The following HSPA12A variants were observed in gnomAD, a reference collection of about 807,000 sequenced individuals.
HSPA12A encodes the protein heat shock 70 kDa protein 12A.
HSPA12A carries 28 observed loss-of-function variants against 69.2 expected under a neutral mutation model. The observed-to-expected ratio is 0.40, with a 90% CI of 0.30 to 0.55. The LOEUF (loss-of-function observed/expected upper bound fraction) is 0.55, where lower values mean the gene tolerates loss of function less well. Ranked by LOEUF, HSPA12A falls within the 20% of genes least tolerant of loss-of-function variation. HSPA12A has a pLI of 0.38. For synonymous variants in HSPA12A, 345 were observed against 370.5 expected, an observed-to-expected ratio of 0.93 and a Z score of 0.79; for missense variants, 686 against 900.7, an observed-to-expected ratio of 0.76 and a Z score of 3.05.
intron 2 of HSPA12A, among the ~76,000 whole-genome samples, chr10:116,774,524 C>G (rs1244156959): frequency 1.3e-5 from 2 of 152,176 alleles, no homozygotes; most frequent in East Asian, 3.9e-4. Context: ...ACATCTCACA[C>G]TCTTGCCAAA....
chr10:116,797,740 C>T (rs1366928181), intron 2 of HSPA12A, among the ~76,000 whole-genome samples: 1 of 152,200 alleles, frequency 6.6e-6, no homozygotes, highest in East Asian at 1.9e-4. Context: ...CTGCTGAGAG[C>T]TGTGTACGTG....
chr10:116,799,019 C>T (rs558484769), intron 2 of HSPA12A, among the ~76,000 whole-genome samples: 42 of 152,156 alleles, frequency 2.8e-4, no homozygotes, highest in African/African-American at 8.7e-4. Context: ...ATGCCCAGGG[C>T]TCTGCTGACT....
chr10:116,681,659 C>G (rs1487013018), intron 8 of HSPA12A, 132 bp downstream of exon 8: 6 of 701,334 alleles, frequency 8.6e-6, no homozygotes, highest in East Asian at 5.2e-5. Flanking sequence ...AAGAGCTCTC[C>G]CTGCATGAGT....
At chr10:116,676,904 G>A (rs1324705784) in intron 10 of HSPA12A, among the ~76,000 whole-genome samples, 4 of 152,172 alleles carry the variant, frequency 2.6e-5, no homozygotes, top group Admixed American at 2.6e-4. Context: ...ACATGTGTGC[G>A]CTCAGGTGCA....
chr10:116,705,362 C>G, intron 2 of HSPA12A, 84 bp from the exon 3 acceptor site: 1 of 1,487,056 alleles, frequency 6.7e-7, no homozygotes, highest in East Asian at 2.3e-5. Context: ...CTCACCTTGC[C>G]TAGCTGTGAA....
chr10:116,755,587 G>C (rs1843818797), intron 2 of HSPA12A, among the ~76,000 whole-genome samples: 1 of 148,446 alleles, frequency 6.7e-6, no homozygotes, highest in Admixed American at 6.7e-5. Context: ...ACTCCAGCCT[G>C]GGTGAAAGAG....
intron 2 of HSPA12A, among the ~76,000 whole-genome samples, chr10:116,818,886 T>C (rs1845356720): frequency 6.6e-6 from 1 of 152,140 alleles, no homozygotes; most frequent in Admixed American, 6.5e-5. Context: ...GCAGTGTGTC[T>C]CCAGGAGCAA....
Position 116,698,638 on chromosome 10 carries a change from C to G in HSPA12A, c.543G>C (p.Leu181=). Reference sequence around the variant, plus strand: ...TGGCCTCAACTATCAGTCCTACCTTCAGCGCCTGCTCCTTAAAGTACTGCA... The same window carrying G: ...TGGCCTCAACTATCAGTCCTACCTTGAGCGCCTGCTCCTTAAAGTACTGCA... ...YALQYFKEQA[L]KELSDQAGSE... The change falls in exon 5 of 12, where the codon CTG becomes CTC. Residue 181 remains leucine (L), a synonymous_variant. Transcript: ENST00000369209. The G allele has an allele frequency of 6.2e-7, 1 of 1,611,796 alleles. No homozygotes were observed. The highest frequency in any genetic ancestry group is 8.5e-7 in the Non-Finnish European group (1 of 1,178,160).
chr10:116,745,691 C>A (rs1851632550), upstream of HSPA12A, among the ~76,000 whole-genome samples: 1 of 152,126 alleles, frequency 6.6e-6, no homozygotes, highest in Admixed American at 6.5e-5. Context: ...CTAGTTTTGC[C>A]AGGTAACCAA....
At chr10:116,698,105 C>T (rs1849968751) in intron 5 of HSPA12A, 1 of 151,336 alleles carries the variant, frequency 6.6e-6, no homozygotes, top group Non-Finnish European at 1.5e-5. Flanking sequence ...TTTTGTTTCT[C>T]CATTCATCAG....
rs1473371370 is a variant in HSPA12A, at chr10:116,672,560, C to T, written c.*2221G>A. The T allele has an allele frequency of 6.6e-6, 1 of 152,290 alleles. No homozygotes were observed. The highest frequency in any genetic ancestry group is 1.5e-5 in the Non-Finnish European group (1 of 68,030). The allele number at this position is 152,290 out of a possible 1,614,324, so 9.4% of individuals were successfully genotyped here. ...TCCATAGCTTGGCATCAGCACAGAT[C>T]GATGCTTAGTGAGCACAATTAAGAA... On this transcript the variant is annotated 3_prime_UTR_variant, in exon 12 of 12. Coordinates refer to ENST00000369209, the MANE Select transcript of HSPA12A (RefSeq NM_025015.3).
intron 7 of HSPA12A, 113 bp downstream of exon 7, chr10:116,683,678 T>C (rs1404923269): frequency 3.6e-6 from 4 of 1,109,902 alleles, no homozygotes; most frequent in Non-Finnish European, 4.9e-6. Context: ...CCTCCCGGAG[T>C]ATCCTGATTC....
intron 2 of HSPA12A, among the ~76,000 whole-genome samples, chr10:116,776,635 C>A (rs1166170354): frequency 6.6e-6 from 1 of 152,164 alleles, no homozygotes; most frequent in Non-Finnish European, 1.5e-5. Context: ...CAGAATCCAC[C>A]GCTTCCCTGA....
At chr10:116,764,579 A>G (rs1844038517) in intron 2 of HSPA12A, among the ~76,000 whole-genome samples, 1 of 152,244 alleles carries the variant, frequency 6.6e-6, no homozygotes, top group African/African-American at 2.4e-5. Context: ...CACAACAGCC[A>G]TACACTAGAA....
chr10:116,685,004 T>C (rs542256433), intron 6 of HSPA12A, among the ~76,000 whole-genome samples: 42 of 152,318 alleles, frequency 2.8e-4, no homozygotes, highest in African/African-American at 9.1e-4. Context: ...CACTTGCTTC[T>C]GGAAACCATT....
intron 2 of HSPA12A, among the ~76,000 whole-genome samples, chr10:116,813,926 A>G (rs950684975): frequency 6.6e-6 from 1 of 152,174 alleles, no homozygotes; most frequent in African/African-American, 2.4e-5. Context: ...TAGTAATAGA[A>G]TAACAGACAG....
chr10:116,753,378 T>C (rs1554888519), intron 2 of HSPA12A, among the ~76,000 whole-genome samples: 1 of 152,228 alleles, frequency 6.6e-6, no homozygotes, highest in Non-Finnish European at 1.5e-5. Flanking sequence ...GTTATCACTA[T>C]GATCAGTGGT....
chr10:116,849,454 G>C, intron 1 of HSPA12A: 5 of 1,391,606 alleles, frequency 3.6e-6, no homozygotes, highest in Non-Finnish European at 4.7e-6. Flanking sequence ...AAGAACCTAG[G>C]CCTGGAAGCC....
At chr10:116,779,143 T>C (rs571996663) in intron 2 of HSPA12A, among the ~76,000 whole-genome samples, 1 of 152,316 alleles carries the variant, frequency 6.6e-6, no homozygotes, top group Admixed American at 6.5e-5. Context: ...TCCAGGGCCT[T>C]CATCGGCAGT....
Sources: gnomAD v4.1 joint callset for allele counts (sites outside exome capture counted in the v4.1 genomes callset) on GRCh38, gnomAD v4.1.1 for gene constraint, MANE v1.5 for transcripts, NCBI Gene and HGNC (gene_info 2026-07-23, HGNC 2026-07-21) for gene names.